The following FER variants were observed in gnomAD, a reference collection of about 807,000 sequenced individuals.
FER encodes the protein FER tyrosine kinase.
A neutral mutation model predicts 111.0 loss-of-function variants in FER; 63 were observed. That is an observed-to-expected ratio of 0.57 (90% CI 0.46 to 0.70). The LOEUF is 0.70. FER is among the 30% of genes least tolerant of loss of function. The pLI, the probability that FER is intolerant of heterozygous loss-of-function variation, is 0.00. For synonymous variants in FER, 327 were observed against 313.9 expected, an observed-to-expected ratio of 1.04 and a Z score of -0.44; for missense variants, 914 against 954.0, an observed-to-expected ratio of 0.96 and a Z score of 0.55.
intron 5 of FER, among the ~76,000 whole-genome samples, chr5:108,850,643 AT>A (rs1376815980): frequency 6.6e-6 from 1 of 151,666 alleles, no homozygotes; most frequent in Non-Finnish European, 1.5e-5. Flanking sequence ...TTTACTTTTT[AT>A]TTTTTTTCTT....
chr5:108,750,965 G>A (rs1042301252), intron 1 of FER, among the ~76,000 whole-genome samples: 4 of 152,204 alleles, frequency 2.6e-5, no homozygotes, highest in Non-Finnish European at 5.9e-5. Context: ...GGCCGAGGCG[G>A]GCGGATCACC....
At chr5:108,773,544 G>T (rs575733798) in intron 2 of FER, among the ~76,000 whole-genome samples, 41 of 152,204 alleles carry the variant, frequency 2.7e-4, no homozygotes, top group Non-Finnish European at 4.7e-4. Flanking sequence ...TTTTATGGCT[G>T]CATAGTATTC....
intron 9 of FER, among the ~76,000 whole-genome samples, chr5:108,892,292 A>C (rs1554087554): frequency 6.6e-6 from 1 of 152,172 alleles, no homozygotes; most frequent in Non-Finnish European, 1.5e-5. Context: ...ACAGTGTAAA[A>C]GTGTTCCTGT....
At chr5:109,003,580 ACGT>A (rs1765103889) in intron 13 of FER, among the ~76,000 whole-genome samples, 2 of 152,204 alleles carry the variant, frequency 1.3e-5, no homozygotes, top group Non-Finnish European at 2.9e-5. Flanking sequence ...ACAAACCTGC[ACGT>A]AGTGCACATG....
rs35155732 is a variant in FER, at chr5:108,855,944, AT to A, written c.482-11809del. Among the ~76,000 whole-genome samples, 620 of 143,344 alleles carry A rather than the reference AT, an allele frequency of 4.3e-3. 3 individuals are homozygous for A. The highest frequency in any genetic ancestry group is 9.7e-3 in the African/African-American group (382 of 39,380). 94.0% of individuals were successfully genotyped at this position (143,344 alleles called of 152,430 possible). A position where few individuals can be genotyped will look rare whatever the true frequency, so the allele number is the denominator to read the frequency against. On this transcript the variant is annotated intron_variant, in intron 5 of 19. Transcript: ENST00000281092. ...CTGGAAGAAGTGTAGTAAAGGGAGG[AT>A]TTTTTTTTTTTTTCAAGATTGGGAG... is the stretch of plus-strand genomic sequence containing the variant.
At chr5:109,038,780 A>G (rs1356075852) in intron 14 of FER, among the ~76,000 whole-genome samples, 1 of 152,024 alleles carries the variant, frequency 6.6e-6, no homozygotes, top group African/African-American at 2.4e-5. Context: ...ATAAAACTAA[A>G]GCATTTACTG....
chr5:108,897,629 T>G (rs767591608), intron 9 of FER, 30 bp from the exon 10 acceptor site: 1 of 1,456,132 alleles, frequency 6.9e-7, no homozygotes. Context: ...CTTAATGAAG[T>G]TGAAATCATT....
At chr5:108,813,070 A>T (rs939876113) in intron 3 of FER, among the ~76,000 whole-genome samples, 4 of 152,122 alleles carry the variant, frequency 2.6e-5, no homozygotes, top group African/African-American at 9.7e-5. Context: ...CTGTTTGAAG[A>T]ACTTCCTTTC....
At chr5:108,779,155 A>T (rs769644119) in intron 2 of FER, among the ~76,000 whole-genome samples, 1 of 151,896 alleles carries the variant, frequency 6.6e-6, no homozygotes, top group South Asian at 2.1e-4. Flanking sequence ...ATTCTGTTCT[A>T]TCGGTCTATT....
intron 17 of FER, among the ~76,000 whole-genome samples, chr5:109,126,166 G>A (rs1016415114): frequency 6.6e-6 from 1 of 152,194 alleles, no homozygotes; most frequent in Non-Finnish European, 1.5e-5. Flanking sequence ...GAAAAAAGAC[G>A]CTAAACATTC....
intron 16 of FER, among the ~76,000 whole-genome samples, chr5:109,048,256 A>G (rs948712928): frequency 2.6e-5 from 4 of 152,154 alleles, no homozygotes; most frequent in Non-Finnish European, 5.9e-5. Context: ...ATATTTCTCA[A>G]TATTACCATG....
At chr5:108,750,702 A>G (rs1009431745) in intron 1 of FER, among the ~76,000 whole-genome samples, 7 of 152,244 alleles carry the variant, frequency 4.6e-5, no homozygotes, top group African/African-American at 1.4e-4. Flanking sequence ...TTCGATGTAG[A>G]TGTTACTGTA....
At chr5:109,047,684 C>T (rs185929186) in intron 16 of FER, among the ~76,000 whole-genome samples, 115 of 152,238 alleles carry the variant, frequency 7.6e-4, no homozygotes, top group African/African-American at 2.5e-3. Context: ...ATTCTCCTGC[C>T]TTGGCCTCCC....
At chr5:108,900,647 C>T (rs1003971297) in intron 10 of FER, among the ~76,000 whole-genome samples, 1 of 152,046 alleles carries the variant, frequency 6.6e-6, no homozygotes, top group Non-Finnish European at 1.5e-5. Flanking sequence ...AATTATGCTC[C>T]ATGATCTTAG....
intron 4 of FER, among the ~76,000 whole-genome samples, chr5:108,834,316 A>G (rs1217915474): frequency 6.6e-6 from 1 of 152,194 alleles, no homozygotes; most frequent in Non-Finnish European, 1.5e-5. Context: ...GCAGTTTTAT[A>G]TCAGGAGGTA....
rs66805209 is a variant in FER, at chr5:108,790,235, CCACACACA to C, written c.-59-7857_-59-7850del. 1.3e-3 allele frequency among the ~76,000 whole-genome samples: 186 copies of C among 145,202 alleles called. 1 individual carries two copies. In the Middle Eastern group the frequency reaches 0.021, roughly 16 times the overall value. On this transcript the variant is annotated intron_variant, in intron 2 of 19. Coordinates refer to ENST00000281092, the MANE Select transcript of FER (RefSeq NM_005246.4). ...GTATGTATACATATATGCATACACA[CCACACACA>C]CACACACACACACACACACACACAC...
chr5:109,004,633 A>G (rs992991664), intron 13 of FER, among the ~76,000 whole-genome samples: 1 of 152,204 alleles, frequency 6.6e-6, no homozygotes, highest in Non-Finnish European at 1.5e-5. Context: ...CAAATTTACC[A>G]TATGATTACA....
At chr5:108,915,111 A>G (rs1752091444) in intron 10 of FER, among the ~76,000 whole-genome samples, 1 of 152,206 alleles carries the variant, frequency 6.6e-6, no homozygotes, top group African/African-American at 2.4e-5. Flanking sequence ...AGTTGGTAAG[A>G]AAAAGCTTTA....
At chr5:108,915,505 G>A (rs1752151899) in intron 10 of FER, among the ~76,000 whole-genome samples, 1 of 151,486 alleles carries the variant, frequency 6.6e-6, no homozygotes, top group Non-Finnish European at 1.5e-5. Context: ...TGAAACTCTG[G>A]TAGTTAAATG....
Sources: gnomAD v4.1 joint callset for allele counts (sites outside exome capture counted in the v4.1 genomes callset) on GRCh38, gnomAD v4.1.1 for gene constraint, MANE v1.5 for transcripts, NCBI Gene and HGNC (gene_info 2026-07-23, HGNC 2026-07-21) for gene names.